The following INTS8 variants were observed in gnomAD, a reference collection of about 807,000 sequenced individuals.
INTS8 encodes integrator complex subunit 8, also known as protein kaonashi-1.
A neutral mutation model predicts 138.9 loss-of-function variants in INTS8; 47 were observed. That is an observed-to-expected ratio of 0.34 (90% CI 0.27 to 0.43). The LOEUF is 0.43. INTS8 is among the 20% of genes least tolerant of loss of function. INTS8 has a pLI of 1.00. For missense variants in INTS8, 996 were observed against 1,173.0 expected, an observed-to-expected ratio of 0.85 and a Z score of 2.20; for synonymous variants, 392 against 400.9, an observed-to-expected ratio of 0.98 and a Z score of 0.27.
Position 94,881,081 on chromosome 8 carries a change from C to A in INTS8, c.*847C>A. On this transcript the variant is annotated 3_prime_UTR_variant, in exon 27 of 27. Coordinates refer to ENST00000523731, the MANE Select transcript of INTS8 (RefSeq NM_017864.4). ...TTAAATTTCACCATTTGTAGAAATTCAAGTTTTATAATAGCTTGCTATAGC... is the reference window on the plus strand; with the variant it reads ...TTAAATTTCACCATTTGTAGAAATTAAAGTTTTATAATAGCTTGCTATAGC... 2.5e-6 allele frequency: 1 copy of A among 397,450 alleles called. No homozygotes were observed. The allele number at this position is 397,450 out of a possible 1,614,324, so 24.6% of individuals were successfully genotyped here.
intron 18 of INTS8, 83 bp from the exon 19 acceptor site, chr8:94,867,057 C>A: frequency 9.7e-7 from 1 of 1,033,996 alleles, no homozygotes; most frequent in Non-Finnish European, 1.4e-6. Context: ...TTTTAGAATG[C>A]TTGATGTCTG....
At chr8:94,851,419 G>A in intron 12 of INTS8, 134 bp from the exon 13 acceptor site, 1 of 510,620 alleles carries the variant, frequency 2.0e-6, no homozygotes, top group Non-Finnish European at 3.2e-6. Context: ...TTTATACAAT[G>A]TTGAATGCAT....
chr8:94,859,230 A>G (rs980814778), intron 15 of INTS8, among the ~76,000 whole-genome samples: 2 of 151,710 alleles, frequency 1.3e-5, no homozygotes, highest in African/African-American at 4.8e-5. Context: ...GCAGTGAACC[A>G]TAATCACACC....
At chr8:94,825,096 T>C in intron 2 of INTS8, 29 bp downstream of exon 2, 1 of 1,444,644 alleles carries the variant, frequency 6.9e-7, no homozygotes, top group Non-Finnish European at 9.7e-7. Flanking sequence ...AAATTTCATT[T>C]GAAGTGCTAT....
chr8:94,849,997 T>G lies in INTS8; in HGVS notation c.1413T>G (p.Asp471Glu), dbSNP rs753390122. The change falls in exon 12 of 27, where the codon GAT becomes GAG. Residue 471 changes from aspartate (D) to glutamate (E), a missense_variant. Physicochemically the swap from Asp to Glu is conservative, Grantham distance 45. Coordinates refer to ENST00000523731, the MANE Select transcript of INTS8 (RefSeq NM_017864.4). ...SHELFITLLKDEERKLLVDQM... is the reference protein window; with the variant it reads ...SHELFITLLKEEERKLLVDQM... ...AGCTTTTCATTACATTGTTGAAAGATGAAGAACGAAAGCTACTTGTTGATC... is the reference window on the plus strand; with the variant it reads ...AGCTTTTCATTACATTGTTGAAAGAGGAAGAACGAAAGCTACTTGTTGATC... 6.2e-7 allele frequency: 1 copy of G among 1,613,208 alleles called. No homozygotes were observed. Among genetic ancestry groups the G allele is most frequent in the African/African-American group, 1.3e-5 (1 of 74,896 alleles).
chr8:94,859,792 G>T, intron 16 of INTS8, 160 bp downstream of exon 16: 1 of 586,306 alleles, frequency 1.7e-6, no homozygotes, highest in Non-Finnish European at 3.0e-6. Flanking sequence ...GATAATTCAT[G>T]CACTTGACCT....
chr8:94,841,904 C>G (rs1815147897), intron 9 of INTS8, among the ~76,000 whole-genome samples: 1 of 151,794 alleles, frequency 6.6e-6, no homozygotes, highest in Non-Finnish European at 1.5e-5. Flanking sequence ...CCCGTCTCTA[C>G]CAAAAAATAG....
rs752871566 is a variant in INTS8, at chr8:94,827,366, C to T, written c.409C>T (p.Pro137Ser). 1 of 1,614,180 alleles carries T rather than the reference C, an allele frequency of 6.2e-7. No homozygotes were observed. The part of the protein sequence containing the change: ...HVDMDLATLP[P>S]TTAMAVLLYN... ...AGACATGGATCTGGCCACTTTACCT[C>T]CGACCACTGCCATGGCTGTACTTCT... is the stretch of plus-strand genomic sequence containing the variant. The change falls in exon 3 of 27, where the codon CCG (proline) becomes TCG (serine). Residue 137 changes from proline (P) to serine (S), a missense_variant. Transcript: ENST00000523731.
In INTS8 at chr8:94,856,538, CATA is replaced by C. The variant is rs1347708976; in HGVS notation, c.1753-232_1753-230del. Among the ~76,000 whole-genome samples the C allele has an allele frequency of 7.9e-5, 12 of 152,072 alleles. No individual in the cohort carries two copies. In the East Asian group the frequency reaches 1.3e-3, roughly 17 times the overall value. ...TATCTTATAACTTTTATAAAAGTTG[CATA>C]ATAATATAAGTATTTTATATTGTTT... On this transcript the variant is annotated intron_variant, in intron 14 of 26. Coordinates refer to ENST00000523731, the MANE Select transcript of INTS8 (RefSeq NM_017864.4).
At chr8:94,823,769 C>T (rs193036880) in intron 1 of INTS8, among the ~76,000 whole-genome samples, 1 of 152,244 alleles carries the variant, frequency 6.6e-6, no homozygotes, top group South Asian at 2.1e-4. Flanking sequence ...CTCCTACCCC[C>T]GGAGGGGAGG....
rs749501620 is a variant in INTS8 at position 94,859,412 on chromosome 8, C to T, written c.1955-99C>T. ...TACAGGTGTGAGCCACCATACCCGT[C>T]CTGTTTTTTTATTCAGTTGAAATCT... On this transcript the variant is annotated intron_variant, in intron 15 of 26. Coordinates refer to ENST00000523731, the MANE Select transcript of INTS8 (RefSeq NM_017864.4). The T allele has an allele frequency of 1.4e-4, 168 of 1,213,662 alleles. 1 individual carries two copies. The highest frequency in any genetic ancestry group is 4.0e-4 in the South Asian group (29 of 72,822). The allele number at this position is 1,213,662 out of a possible 1,614,324, so 75.2% of individuals were successfully genotyped here.
rs376162476 is a variant in INTS8, at chr8:94,845,481, ATTC to A, written c.1260+2996_1260+2998del. On this transcript the variant is annotated intron_variant, in intron 10 of 26. Coordinates refer to ENST00000523731, the MANE Select transcript of INTS8 (RefSeq NM_017864.4). ...CCTTGTTTTCAAGGTTGTATTGGTTATTCTTGTCCCTCATTCTGTTGCCCAGGC... is the reference window on the plus strand; with the variant it reads ...CCTTGTTTTCAAGGTTGTATTGGTTATTGTCCCTCATTCTGTTGCCCAGGC... 1.8e-3 allele frequency among the ~76,000 whole-genome samples: 272 copies of A among 152,074 alleles called. 2 individuals are homozygous for A. The highest frequency in any genetic ancestry group is 3.3e-3 in the Non-Finnish European group (222 of 67,968).
At chr8:94,865,014 A>AT (rs765785953) in intron 16 of INTS8, among the ~76,000 whole-genome samples, 15,107 of 147,864 alleles carry the variant, frequency 0.1, 1,022 homozygotes, top group Non-Finnish European at 0.16. Flanking sequence ...CGTTGAAACA[A>AT]TTTTTTTTTT....
chr8:94,842,274 A>G (rs1563649642), intron 9 of INTS8, 73 bp from the exon 10 acceptor site: 13 of 980,764 alleles, frequency 1.3e-5, no homozygotes, highest in Non-Finnish European at 1.9e-5. Context: ...ATTCTTGTGA[A>G]TATAGTTGTA....
chr8:94,861,355 G>A (rs1323163201), intron 16 of INTS8, among the ~76,000 whole-genome samples: 6 of 129,056 alleles, frequency 4.6e-5, no homozygotes, highest in Admixed American at 9.0e-5. Flanking sequence ...TCCGCCTCCC[G>A]GGTTCACGCC....
chr8:94,866,037 A>G (rs1816165419), intron 17 of INTS8, 121 bp from the exon 18 acceptor site: 3 of 570,452 alleles, frequency 5.3e-6, no homozygotes, highest in Non-Finnish European at 9.5e-6. Context: ...AGAATATTAC[A>G]TTCCTTTTCA....
Position 94,853,794 on chromosome 8 carries a change from GT to G in INTS8, c.1642-8del, listed in dbSNP as rs757070527. On this transcript the variant is annotated splice_polypyrimidine_tract_variant and intron_variant, in intron 13 of 26. Coordinates refer to ENST00000523731, the MANE Select transcript of INTS8 (RefSeq NM_017864.4). ...GTGTGCATATATATATGTATTTTTTGTTTCTTTTAGTGGGAAGTACCTTCTG... is the reference window on the plus strand; with the variant it reads ...GTGTGCATATATATATGTATTTTTTGTTCTTTTAGTGGGAAGTACCTTCTG... The G allele has an allele frequency of 6.7e-7, 1 of 1,492,776 alleles. No individual in the cohort carries two copies. The highest frequency in any genetic ancestry group is 9.3e-7 in the Non-Finnish European group (1 of 1,071,408). 92.5% of individuals were successfully genotyped at this position (1,492,776 alleles called of 1,614,324 possible). A position where few individuals can be genotyped will look rare whatever the true frequency, so the allele number is the denominator to read the frequency against.
chr8:94,849,493 C>A lies in INTS8; in HGVS notation c.1292C>A (p.Ala431Asp). ...TCAAGATCAGTAAATTTAGAAAAAG[C>A]TTCAGAGTCTTTGAAAGGAAACATG... is the stretch of plus-strand genomic sequence containing the variant. Reference protein sequence around the residue: ...VCSRSVNLEKASESLKGNMAA... With the variant: ...VCSRSVNLEKDSESLKGNMAA... The change falls in exon 11 of 27, where the codon GCT becomes GAT. Residue 431 changes from alanine (A) to aspartate (D), a missense_variant. Physicochemically the swap from Ala to Asp is moderately radical, Grantham distance 126 (BLOSUM62 -2). Coordinates refer to ENST00000523731, the MANE Select transcript of INTS8 (RefSeq NM_017864.4). 6.4e-7 allele frequency: 1 copy of A among 1,567,230 alleles called. No homozygotes were observed. Among genetic ancestry groups the A allele is most frequent in the East Asian group, 2.3e-5 (1 of 43,938 alleles).
At chr8:94,839,826 T>C (rs762276448) in intron 8 of INTS8, among the ~76,000 whole-genome samples, 64 of 151,850 alleles carry the variant, frequency 4.2e-4, no homozygotes, top group Non-Finnish European at 7.2e-4. Flanking sequence ...AGTCCAGGAG[T>C]TCAAGGTTGC....
Sources: gnomAD v4.1 joint callset for allele counts (sites outside exome capture counted in the v4.1 genomes callset) on GRCh38, gnomAD v4.1.1 for gene constraint, MANE v1.5 for transcripts, NCBI Gene and HGNC (gene_info 2026-07-23, HGNC 2026-07-21) for gene names.